Variants in THNSL1 observed in about 807,000 individuals in gnomAD.
THNSL1 encodes threonine synthase-like 1.
Under a neutral mutation model 50.4 loss-of-function variants are expected in THNSL1, and 48 were observed. The observed-to-expected ratio is 0.95, with a 90% CI of 0.76 to 1.21. The LOEUF (loss-of-function observed/expected upper bound fraction) is 1.21. Ranked by LOEUF, THNSL1 falls within the 50% of genes most tolerant of loss-of-function variation. The pLI, the probability that THNSL1 is intolerant of heterozygous loss-of-function variation, is 0.00. For missense variants in THNSL1, 896 were observed against 871.7 expected (o/e 1.03, Z -0.35); for synonymous variants, 309 against 306.1 (o/e 1.01, Z -0.10).
intron 2 of THNSL1, among the ~76,000 whole-genome samples, chr10:25,022,759 A>G (rs2132755824): frequency 6.6e-6 from 1 of 152,306 alleles, no homozygotes; most frequent in Admixed American, 6.5e-5. Context: ...ATAGCACTCC[A>G]ACTCCAAATC....
chr10:24,982,546 A>G, the THNSL1 span: 4 of 152,360 alleles, frequency 2.6e-5, no homozygotes, highest in African/African-American at 9.6e-5. Flanking sequence ...AAGTGACTGC[A>G]GTCTCCATGT....
the THNSL1 span, among the ~76,000 whole-genome samples, chr10:24,991,549 C>T: frequency 2.0e-5 from 3 of 152,070 alleles, no homozygotes; most frequent in Admixed American, 6.6e-5. Context: ...GGCAGGCCAT[C>T]GATCAGTGGA....
chr10:24,995,584 C>T, the THNSL1 span: 1 of 1,391,516 alleles, frequency 7.2e-7, no homozygotes, highest in South Asian at 1.3e-5. Flanking sequence ...AGATGATCAT[C>T]ATGAACACCA....
At chr10:24,961,949 T>C in the THNSL1 span, among the ~76,000 whole-genome samples, 6 of 152,318 alleles carry the variant, frequency 3.9e-5, no homozygotes, top group African/African-American at 1.4e-4. Context: ...TTCCTGCTTC[T>C]TAGGGTTACT....
Position 25,024,996 on chromosome 10 carries a change from T to G in THNSL1, c.1773T>G (p.Phe591Leu), listed in dbSNP as rs750256334. The change falls in exon 3 of 3, where the codon TTT becomes TTG. Residue 591 changes from phenylalanine (F) to leucine (L), a missense_variant. Physicochemically the swap from Phe to Leu is conservative, Grantham distance 22. Transcript: ENST00000376356. ...ATGGACAGCTAATGACAGAATTATT[T>G]AATCGATTAGAAAGTCAGCATCATT... ...NKDGQLMTEL[F>L]NRLESQHHFQ... 6.2e-7 allele frequency: 1 copy of G among 1,614,232 alleles called. No homozygotes were observed. The highest frequency in any genetic ancestry group is 1.7e-5 in the Admixed American group (1 of 60,034).
upstream of THNSL1, among the ~76,000 whole-genome samples, chr10:25,015,276 C>A (rs907038951): frequency 6.6e-6 from 1 of 152,152 alleles, no homozygotes; most frequent in Non-Finnish European, 1.5e-5. Context: ...CATTATCTAT[C>A]CACCAATTCT....
At chr10:24,986,261 A>G in the THNSL1 span, among the ~76,000 whole-genome samples, 49 of 152,310 alleles carry the variant, frequency 3.2e-4, no homozygotes, top group Middle Eastern at 0.01. Context: ...TCACTGATTT[A>G]TTTCCATGCT....
At chr10:24,973,235 G>T in the THNSL1 span, among the ~76,000 whole-genome samples, 2 of 152,046 alleles carry the variant, frequency 1.3e-5, no homozygotes, top group African/African-American at 4.8e-5. Flanking sequence ...GAGACATTAT[G>T]AAGTAAAATG....
chr10:24,952,630 C>T, the THNSL1 span: 25 of 1,190,970 alleles, frequency 2.1e-5, no homozygotes, highest in South Asian at 3.2e-4. The surrounding 1 kb of genome is among the most constrained non-coding windows in gnomAD (Gnocchi z 5.1). Flanking sequence ...GCAGGGAGGG[C>T]GAAGGCTGCG....
At position 25,019,079 on chromosome 10, in the gene THNSL1, C is replaced by G. The variant is rs1200380742; in HGVS notation, c.-216+2387C>G. Among the ~76,000 whole-genome samples the G allele has an allele frequency of 2.0e-5, 3 of 152,206 alleles. No individual in the cohort carries two copies. In the East Asian group the frequency reaches 5.8e-4, roughly 29 times the overall value. On this transcript the variant is annotated intron_variant, in intron 1 of 2. Transcript: ENST00000376356. The stretch of plus-strand genomic sequence containing the variant: ...TGGTCAGAAGTCAGAAGCAGTAGAG[C>G]TTAACCTCCTTTTGGCTAGTTTGTG...
chr10:24,997,088 C>A, the THNSL1 span, among the ~76,000 whole-genome samples: 9 of 152,160 alleles, frequency 5.9e-5, no homozygotes, highest in African/African-American at 2.2e-4. Flanking sequence ...GTGTTGCATG[C>A]CTGCAGTCCC....
the THNSL1 span, among the ~76,000 whole-genome samples, chr10:24,979,533 C>T: frequency 2.0e-5 from 3 of 152,140 alleles, no homozygotes; most frequent in African/African-American, 7.2e-5. Context: ...CCTCTCTGGA[C>T]ACTAAACTTT....
chr10:24,991,897 C>A, the THNSL1 span, among the ~76,000 whole-genome samples: 1 of 152,302 alleles, frequency 6.6e-6, no homozygotes, highest in East Asian at 1.9e-4. Context: ...AAACATCGAC[C>A]CATAGACCCT....
the THNSL1 span, among the ~76,000 whole-genome samples, chr10:24,970,468 G>T: frequency 6.6e-6 from 1 of 152,112 alleles, no homozygotes; most frequent in Non-Finnish European, 1.5e-5. Context: ...TCAGCACTTT[G>T]GGAGGCAGAG....
At chr10:24,999,654 G>C in the THNSL1 span, 1 of 1,009,428 alleles carries the variant, frequency 9.9e-7, no homozygotes, top group Non-Finnish European at 1.4e-6. Context: ...GTCTATATTC[G>C]TATGGAAAAG....
the THNSL1 span, among the ~76,000 whole-genome samples, chr10:24,993,397 T>C: frequency 2.0e-5 from 3 of 152,254 alleles, no homozygotes. Context: ...TCCAATGGAT[T>C]GTTGGAAATC....
upstream of THNSL1, among the ~76,000 whole-genome samples, chr10:25,012,971 T>C (rs1850484887): frequency 2.0e-5 from 3 of 152,162 alleles, no homozygotes. Context: ...AGGGATCTGG[T>C]GATAGGTAAT....
chr10:24,960,949 G>A, the THNSL1 span, among the ~76,000 whole-genome samples: 1 of 152,276 alleles, frequency 6.6e-6, no homozygotes, highest in African/African-American at 2.4e-5. Flanking sequence ...AGTTGGGACT[G>A]TAGGATCCAT....
the THNSL1 span, among the ~76,000 whole-genome samples, chr10:25,006,993 T>C: frequency 2.0e-5 from 3 of 152,334 alleles, no homozygotes; most frequent in African/African-American, 7.2e-5. Flanking sequence ...TTGCTATTAA[T>C]AGTATTCTTG....
Sources: gnomAD v4.1 joint callset for allele counts (sites outside exome capture counted in the v4.1 genomes callset) on GRCh38, gnomAD v4.1.1 for gene constraint, Gnocchi (gnomAD v3.1) non-coding constraint, MANE v1.5 for transcripts, NCBI Gene and HGNC (gene_info 2026-07-23, HGNC 2026-07-21) for gene names.